Variants in GRHL1 observed in about 807,000 individuals in gnomAD.
GRHL1 encodes grainyhead like transcription factor 1, also known as grainyhead-like protein 1 homolog.
A neutral mutation model predicts 75.7 loss-of-function variants in GRHL1; 38 were observed. The ratio of observed to expected loss-of-function variants is 0.50; its 90% CI spans 0.39 to 0.66. The LOEUF (loss-of-function observed/expected upper bound fraction) is 0.66, where lower values mean the gene tolerates loss of function less well. Among genes scored for constraint, GRHL1 ranks in the 30% least tolerant of loss-of-function variants. The probability of loss-of-function intolerance (pLI) is 0.00; values close to 1 mark genes in which losing one functional copy is unlikely to be tolerated. For synonymous variants in GRHL1, 266 were observed against 279.4 expected, an observed-to-expected ratio of 0.95 and a Z score of 0.48; for missense variants, 589 against 767.5, an observed-to-expected ratio of 0.77 and a Z score of 2.75.
At chr2:9,974,366 G>A (rs1016919818) in intron 8 of GRHL1, among the ~76,000 whole-genome samples, 1 of 152,088 alleles carries the variant, frequency 6.6e-6, no homozygotes, top group Non-Finnish European at 1.5e-5. Flanking sequence ...AACTTTTTTC[G>A]GTGACCAACT....
At chr2:9,977,295 T>G (rs987909032) in intron 8 of GRHL1, among the ~76,000 whole-genome samples, 9 of 119,348 alleles carry the variant, frequency 7.5e-5, no homozygotes, top group African/African-American at 3.5e-4. Context: ...TTCAGTACCA[T>G]TTAATAACAG....
chr2:9,963,749 A>T (rs964354546), intron 5 of GRHL1, 137 bp from the exon 6 acceptor site: 6 of 578,984 alleles, frequency 1.0e-5, no homozygotes, highest in African/African-American at 7.6e-5. Flanking sequence ...GAGAGACTTG[A>T]GAATTTTTAG....
At chr2:9,965,940 T>C (rs1238273400) in intron 8 of GRHL1, 1 of 152,328 alleles carries the variant, frequency 6.6e-6, no homozygotes, top group African/African-American at 2.4e-5. Context: ...TGGGCGACTC[T>C]AATGGGAATT....
chr2:10,002,099 G>C lies in GRHL1; in HGVS notation c.*1392G>C, dbSNP rs1396897460. On this transcript the variant is annotated 3_prime_UTR_variant, in exon 16 of 16. Coordinates refer to ENST00000324907, the MANE Select transcript of GRHL1 (RefSeq NM_198182.3). ...CTGGTAGTTACAGTCTTAGGTTAAA[G>C]TATTCTAATGAAGTATGGGAACTAA... is the stretch of plus-strand genomic sequence containing the variant. 1.3e-5 allele frequency: 2 copies of C among 152,758 alleles called. No homozygotes were observed. Among genetic ancestry groups the C allele is most frequent in the Non-Finnish European group, 2.9e-5 (2 of 68,034 alleles). 9.5% of individuals were successfully genotyped at this position (152,758 alleles called of 1,614,324 possible).
chr2:9,984,448 TTTTA>T (rs1668334819), intron 8 of GRHL1, among the ~76,000 whole-genome samples: 1 of 152,194 alleles, frequency 6.6e-6, no homozygotes. Context: ...TCAAAAACAT[TTTTA>T]AAATCCACAG....
In GRHL1 at chr2:9,956,113, GCTAT is replaced by G. The variant is rs372670485; in HGVS notation, c.207+1015_207+1018del. On this transcript the variant is annotated intron_variant, in intron 2 of 15. Transcript: ENST00000324907. ...TGTATATTTTTTACAGTTTATTTTT[GCTAT>G]CTTTTTGTTTTAAAAACTTTCAAAC... Among the ~76,000 whole-genome samples, 12 of 152,236 alleles carry G rather than the reference GCTAT, an allele frequency of 7.9e-5. 1 individual carries two copies. Among genetic ancestry groups the G allele is most frequent in the African/African-American group, 2.2e-4 (9 of 41,528 alleles).
Position 9,996,327 on chromosome 2 carries a change from G to C in GRHL1, c.1603G>C (p.Val535Leu). The change falls in exon 14 of 16, where the codon GTT (valine) becomes CTT (leucine). Residue 535 changes from valine (V) to leucine (L), a missense_variant. Coordinates refer to ENST00000324907, the MANE Select transcript of GRHL1 (RefSeq NM_198182.3). ...TGGGGATTGATTAGTGCTGCTCTAC[G>C]TTCGAAAGGAGTCAGAAGAAGTCTT... ...IEEPKRVLLY[V>L]RKESEEVFDA... is the part of the protein sequence containing the mutation. 6.2e-7 allele frequency: 1 copy of C among 1,610,700 alleles called. No homozygotes were observed. Among genetic ancestry groups the C allele is most frequent in the South Asian group, 1.1e-5 (1 of 91,000 alleles).
rs749099607 is a variant in GRHL1 at position 9,958,880 on chromosome 2, TAA to T, written c.278+26_278+27del. 8.1e-6 allele frequency: 13 copies of T among 1,612,416 alleles called. No homozygotes were observed. In the African/African-American group the frequency reaches 1.6e-4, roughly 20 times the overall value. On this transcript the variant is annotated intron_variant, in intron 3 of 15. Transcript: ENST00000324907. ...AGGTAACATTCAGTGCCTAACAGCA[TAA>T]AGAGTGCAGGGGGAAATGCCACGTT...
chr2:9,961,349 G>A lies in GRHL1; in HGVS notation c.582G>A (p.Gln194=), dbSNP rs1411938539. 4.3e-6 allele frequency: 7 copies of A among 1,614,182 alleles called. No homozygotes were observed. Among genetic ancestry groups the A allele is most frequent in the Non-Finnish European group, 5.9e-6 (7 of 1,180,020 alleles). The change falls in exon 4 of 16, where the codon CAG becomes CAA. Residue 194 remains glutamine (Q), a synonymous_variant. Coordinates refer to ENST00000324907, the MANE Select transcript of GRHL1 (RefSeq NM_198182.3). ...TCGATCGGAATCTCAATACTGACCA[G>A]TTCAGCTCTGGTGCTCAAGCCCCAA... ...VVFDRNLNTD[Q]FSSGAQAPNA...
At chr2:9,969,360 G>C (rs1289895944) in intron 8 of GRHL1, among the ~76,000 whole-genome samples, 1 of 152,194 alleles carries the variant, frequency 6.6e-6, no homozygotes, top group African/African-American at 2.4e-5. Flanking sequence ...AGTACTCCAT[G>C]CTATTACGTG....
At chr2:9,988,352 T>C (rs547434003) in intron 9 of GRHL1, among the ~76,000 whole-genome samples, 18 of 152,370 alleles carry the variant, frequency 1.2e-4, no homozygotes, top group African/African-American at 4.3e-4. Flanking sequence ...TTCCTTGTAA[T>C]AATCCTCATG....
rs574346085 is a variant in GRHL1 at position 9,990,254 on chromosome 2, A to C, written c.1270-442A>C. Among the ~76,000 whole-genome samples the C allele has an allele frequency of 6.6e-6, 1 of 151,656 alleles. No homozygotes were observed. Among genetic ancestry groups the C allele is most frequent in the Non-Finnish European group, 1.5e-5 (1 of 67,884 alleles). ...ACCTCCACCTCTCAGGGGTTCAAGCAGTTCTCCTGCCTCAGCCTCCCAAGT... is the reference window on the plus strand; with the variant it reads ...ACCTCCACCTCTCAGGGGTTCAAGCCGTTCTCCTGCCTCAGCCTCCCAAGT... On this transcript the variant is annotated intron_variant, in intron 9 of 15. Transcript: ENST00000324907. This position sits in a 1 kb window ranked among gnomAD's most constrained non-coding sequence, Gnocchi z 4.2.
At chr2:9,958,181 T>A (rs920869030) in intron 2 of GRHL1, among the ~76,000 whole-genome samples, 1 of 150,672 alleles carries the variant, frequency 6.6e-6, no homozygotes, top group African/African-American at 2.5e-5. Context: ...TTTCTTTTTT[T>A]TTTTTTTTTT....
intron 15 of GRHL1, among the ~76,000 whole-genome samples, chr2:9,999,486 C>G (rs919081584): frequency 6.6e-6 from 1 of 152,244 alleles, no homozygotes. Context: ...CACGGTGCTG[C>G]GCTTGGTCTT....
intron 15 of GRHL1, 108 bp downstream of exon 15, chr2:9,999,137 C>G (rs986694666): frequency 1.5e-5 from 6 of 387,522 alleles, no homozygotes; most frequent in Non-Finnish European, 2.9e-5. Flanking sequence ...CCATGTAACA[C>G]ACCGTGCATG....
intron 8 of GRHL1, among the ~76,000 whole-genome samples, chr2:9,966,878 A>T (rs143061855): frequency 6.6e-6 from 1 of 152,216 alleles, no homozygotes; most frequent in Non-Finnish European, 1.5e-5. Flanking sequence ...CCTCAGTCAC[A>T]TACAATTGTC....
intron 8 of GRHL1, among the ~76,000 whole-genome samples, chr2:9,983,117 C>G (rs773902549): frequency 1.3e-5 from 2 of 152,164 alleles, no homozygotes; most frequent in Non-Finnish European, 2.9e-5. Context: ...CAGCATATCC[C>G]CTTGATCATC....
At chr2:9,979,233 CTTTT>C (rs113844108) in intron 8 of GRHL1, among the ~76,000 whole-genome samples, 1 of 134,844 alleles carries the variant, frequency 7.4e-6, no homozygotes, top group Non-Finnish European at 1.6e-5. Flanking sequence ...AATGTTCAAT[CTTTT>C]TTTTTTTTTT....
At position 9,968,916 on chromosome 2, in the gene GRHL1, G is replaced by A. The variant is rs1418778929; in HGVS notation, c.1110+3535G>A. Among the ~76,000 whole-genome samples, 1 of 152,178 alleles carries A rather than the reference G, an allele frequency of 6.6e-6. No homozygotes were observed. Among genetic ancestry groups the A allele is most frequent in the African/African-American group, 2.4e-5 (1 of 41,438 alleles). ...AGTGGCATAAGTGTCCCCATTTGTG[G>A]GGACAGCCTGAGATCTTAAATATGA... On this transcript the variant is annotated intron_variant, in intron 8 of 15. Transcript: ENST00000324907. The surrounding 1 kb of genome is among the most constrained non-coding windows in gnomAD (Gnocchi z 4.7).
Sources: allele counts gnomAD v4.1 joint callset (sites outside exome capture counted in the v4.1 genomes callset), GRCh38; gene constraint gnomAD v4.1.1; non-coding constraint Gnocchi (gnomAD v3.1); transcripts MANE v1.5; gene names NCBI Gene and HGNC (gene_info 2026-07-23, HGNC 2026-07-21).